C4orf33: variants seen among roughly 807,000 people sequenced by gnomAD.
C4orf33 encodes the protein UPF0462 protein C4orf33.
Under a neutral mutation model 24.3 loss-of-function variants are expected in C4orf33, and 20 were observed. That is an observed-to-expected ratio of 0.82 (90% confidence interval 0.58 to 1.19). The LOEUF (loss-of-function observed/expected upper bound fraction) is 1.19. Ranked by LOEUF, C4orf33 falls within the 50% of genes most tolerant of loss-of-function variation. The probability of loss-of-function intolerance (pLI) is 0.00; values close to 1 mark genes in which losing one functional copy is unlikely to be tolerated. For missense variants in C4orf33, 207 were observed against 225.9 expected (o/e 0.92, Z 0.54); for synonymous variants, 67 against 76.4 (o/e 0.88, Z 0.64).
chr4:129,109,867 T>G, intron 5 of C4orf33, 195 bp downstream of exon 5: 1 of 985,972 alleles, frequency 1.0e-6, no homozygotes, highest in Non-Finnish European at 1.4e-6. Context: ...CTCTCACTAC[T>G]GTCAGTAGAG....
chr4:129,110,128 T>C (rs964098411), intron 5 of C4orf33: 1 of 427,826 alleles, frequency 2.3e-6, no homozygotes, highest in African/African-American at 2.1e-5. Flanking sequence ...ACTATGTTTC[T>C]AGGCAACACT....
chr4:129,099,345 T>G (rs1425861079), intron 1 of C4orf33, among the ~76,000 whole-genome samples: 1 of 152,174 alleles, frequency 6.6e-6, no homozygotes, highest in African/African-American at 2.4e-5. Context: ...GATGAGTGCT[T>G]AATAAATGCT....
intron 2 of C4orf33, among the ~76,000 whole-genome samples, chr4:129,105,419 T>G (rs1330602261): frequency 6.6e-6 from 1 of 152,162 alleles, no homozygotes; most frequent in Non-Finnish European, 1.5e-5. Context: ...AATAATATGT[T>G]ACAAAATATC....
upstream of C4orf33, among the ~76,000 whole-genome samples, chr4:129,095,484 A>G (rs867852193): frequency 6.6e-6 from 1 of 152,242 alleles, no homozygotes; most frequent in Non-Finnish European, 1.5e-5. Context: ...AAGGAATGAC[A>G]AGCAGAAATG....
intron 1 of C4orf33, among the ~76,000 whole-genome samples, chr4:129,100,439 T>C (rs1753320140): frequency 1.3e-5 from 2 of 151,988 alleles, no homozygotes; most frequent in African/African-American, 4.8e-5. Flanking sequence ...AGCCAAAATA[T>C]TGGACACACC....
At chr4:129,111,118 T>C (rs1480164663) in intron 5 of C4orf33, among the ~76,000 whole-genome samples, 1 of 152,206 alleles carries the variant, frequency 6.6e-6, no homozygotes, top group Non-Finnish European at 1.5e-5. Flanking sequence ...TCCTACAGAG[T>C]GGGGCTCCAC....
intron 1 of C4orf33, 131 bp from the exon 2 acceptor site, chr4:129,102,471 C>T: frequency 4.8e-6 from 3 of 627,272 alleles, no homozygotes; most frequent in Non-Finnish European, 8.1e-6. Flanking sequence ...CTTTTGACTC[C>T]CAGGACTGTG....
chr4:129,110,561 T>G (rs1272825468), intron 5 of C4orf33, among the ~76,000 whole-genome samples: 1 of 152,086 alleles, frequency 6.6e-6, no homozygotes, highest in African/African-American at 2.4e-5. Context: ...GTCTCGTGAG[T>G]CTGGGCATTT....
chr4:129,097,034 G>C (rs563047999), intron 1 of C4orf33, among the ~76,000 whole-genome samples: 3 of 152,182 alleles, frequency 2.0e-5, no homozygotes, highest in Admixed American at 6.5e-5. Context: ...TCAACCTCCC[G>C]AGTAGCTGGA....
At chr4:129,099,986 C>A (rs1753306985) in intron 1 of C4orf33, among the ~76,000 whole-genome samples, 1 of 151,926 alleles carries the variant, frequency 6.6e-6, no homozygotes, top group Non-Finnish European at 1.5e-5. Context: ...GCAATTAAAG[C>A]CAAAATTATA....
chr4:129,104,784 A>G (rs1319911864), intron 2 of C4orf33, among the ~76,000 whole-genome samples: 1 of 152,184 alleles, frequency 6.6e-6, no homozygotes, highest in Non-Finnish European at 1.5e-5. Flanking sequence ...GTAGCAATGC[A>G]TGCATCCTCC....
At chr4:129,102,065 T>G (rs2125800372) in intron 1 of C4orf33, 1 of 152,282 alleles carries the variant, frequency 6.6e-6, no homozygotes, top group South Asian at 2.1e-4. Context: ...GAGTTTTTTT[T>G]TAACTAAGTT....
chr4:129,113,771 G>A lies in C4orf33; in HGVS notation c.*1980G>A, dbSNP rs1753733930. 3.0e-5 allele frequency: 2 copies of A among 66,078 alleles called. No homozygotes were observed. The highest frequency in any genetic ancestry group is 2.2e-3 in the South Asian group (2 of 906). 4.1% of individuals were successfully genotyped at this position (66,078 alleles called of 1,614,324 possible). On this transcript the variant is annotated 3_prime_UTR_variant, in exon 6 of 6. Coordinates refer to ENST00000425929, the MANE Select transcript of C4orf33 (RefSeq NM_001099783.2). Reference sequence around the variant, plus strand: ...AACGTTAAAAAGGTTTTTTGCCACAGGAAAAAAAACATTTAATTTCCCCTC... The same window carrying A: ...AACGTTAAAAAGGTTTTTTGCCACAAGAAAAAAAACATTTAATTTCCCCTC...
intron 2 of C4orf33, among the ~76,000 whole-genome samples, chr4:129,104,033 A>T (rs942539606): frequency 7.2e-5 from 11 of 152,212 alleles, no homozygotes; most frequent in African/African-American, 2.7e-4. Flanking sequence ...ACAGACATGA[A>T]ACTCAACAAA....
chr4:129,106,727 A>C, intron 3 of C4orf33, 80 bp downstream of exon 3: 1 of 717,848 alleles, frequency 1.4e-6, no homozygotes. Context: ...ATATAGTAAA[A>C]GCTCATTAAT....
chr4:129,109,862 A>T, intron 5 of C4orf33, 190 bp downstream of exon 5: 1 of 966,836 alleles, frequency 1.0e-6, no homozygotes, highest in Non-Finnish European at 1.5e-6. Flanking sequence ...AATCTCTCTC[A>T]CTACTGTCAG....
Position 129,102,659 on chromosome 4 carries a change from GAGCCCGTATTTATC to G in C4orf33, c.52_65del (p.Pro18AlafsTer5), listed in dbSNP as rs765901540. On this transcript the variant is annotated frameshift_variant, in exon 2 of 6. Transcript: ENST00000425929. LOFTEE classifies it high-confidence loss of function. ...TTGGGATGGTTTTCCAGTGAAGCAT[GAGCCCGTATTTATC>G]AGGCTGAATCCAGGTGACAGAGGAG... 4 of 1,613,894 alleles carry G rather than the reference GAGCCCGTATTTATC, an allele frequency of 2.5e-6. No homozygotes were observed. The East Asian group carries it at 8.9e-5, about 36-fold the overall frequency.
In C4orf33 at chr4:129,109,335, T is replaced by G. The variant is rs1753615738; in HGVS notation, c.271T>G (p.Ser91Ala). 1 of 1,614,036 alleles carries G rather than the reference T, an allele frequency of 6.2e-7. No homozygotes were observed. Among genetic ancestry groups the G allele is most frequent in the South Asian group, 1.1e-5 (1 of 91,094 alleles). The part of the protein sequence containing the change: ...PHGQHLVLLL[S>A]GRRNVWKQEL... The stretch of plus-strand genomic sequence containing the variant: ...CGGACAGCATTTAGTGCTTTTACTT[T>G]CTGGAAGAAGAAATGTGTGGAAAGT... Residue 91 changes from serine (S) to alanine (A), a missense_variant, in exon 4 of 6, where the codon TCT becomes GCT. Physicochemically the swap from Ser to Ala is moderately conservative, Grantham distance 99. Coordinates refer to ENST00000425929, the MANE Select transcript of C4orf33 (RefSeq NM_001099783.2).
At position 129,102,632 on chromosome 4, in the gene C4orf33, A is replaced by C; in HGVS notation, c.22A>C (p.Thr8Pro). ...TCAGATGGATTTTAAAATTGAACAC[A>C]CTTGGGATGGTTTTCCAGTGAAGCA... The part of the protein sequence containing the change: MDFKIEH[T>P]WDGFPVKHEP... The change falls in exon 2 of 6, where the codon ACT (threonine) becomes CCT (proline). Residue 8 changes from threonine to proline, a missense_variant. Thr to Pro is a conservative substitution (Grantham distance 38). Coordinates refer to ENST00000425929, the MANE Select transcript of C4orf33 (RefSeq NM_001099783.2). 6.2e-7 allele frequency: 1 copy of C among 1,612,898 alleles called. No homozygotes were observed. Among genetic ancestry groups the C allele is most frequent in the South Asian group, 1.1e-5 (1 of 90,832 alleles).
Sources: allele counts gnomAD v4.1 joint callset (sites outside exome capture counted in the v4.1 genomes callset), GRCh38; gene constraint gnomAD v4.1.1; transcripts MANE v1.5; gene names NCBI Gene and HGNC (gene_info 2026-07-23, HGNC 2026-07-21).